Variants in PCYT1B observed in about 807,000 individuals in gnomAD.
PCYT1B encodes the protein phosphate cytidylyltransferase 1B, choline, also known as choline-phosphate cytidylyltransferase B.
A neutral mutation model predicts 26.4 loss-of-function variants in PCYT1B; 10 were observed. The ratio of observed to expected loss-of-function variants is 0.38; its 90% confidence interval spans 0.23 to 0.64. The LOEUF (loss-of-function observed/expected upper bound fraction) is 0.64, where lower values mean the gene tolerates loss of function less well. Among genes scored for constraint, PCYT1B ranks in the 30% least tolerant of loss-of-function variants. The pLI is 0.56. For synonymous variants in PCYT1B, 131 were observed against 108.4 expected, an observed-to-expected ratio of 1.21 and a Z score of -1.29; for missense variants, 161 against 292.7, an observed-to-expected ratio of 0.55 and a Z score of 3.28.
chrX:24,624,119 G>A (rs1011868289), intron 1 of PCYT1B, among the ~76,000 whole-genome samples: 14 of 109,655 alleles, frequency 1.3e-4, no homozygotes, highest in East Asian at 2.9e-4. Flanking sequence ...ACAGGAGCCC[G>A]CCACCACACC....
intron 1 of PCYT1B, among the ~76,000 whole-genome samples, chrX:24,633,209 C>CAAA (rs1173874144): frequency 3.6e-4 from 6 of 16,716 alleles, no homozygotes; most frequent in Admixed American, 1.6e-3. Flanking sequence ...GACTATGTCT[C>CAAA]AAAAAAAAAA....
chrX:24,590,776 C>T (rs1161212928), intron 3 of PCYT1B, among the ~76,000 whole-genome samples: 1 of 104,100 alleles, frequency 9.6e-6, no homozygotes, highest in African/African-American at 3.5e-5. Context: ...TAGAGTTCAT[C>T]CTTTCACATC....
intron 1 of PCYT1B, among the ~76,000 whole-genome samples, chrX:24,624,412 T>C (rs1256075497): frequency 3.6e-5 from 4 of 112,426 alleles, no homozygotes; most frequent in African/African-American, 1.3e-4. Flanking sequence ...CAAGCCTTAG[T>C]ATCCTTGTTT....
upstream of PCYT1B, among the ~76,000 whole-genome samples, chrX:24,651,515 T>C: frequency 1.7e-5 from 1 of 57,699 alleles, no homozygotes; most frequent in Non-Finnish European, 3.2e-5. Context: ...ATATATATAT[T>C]CAAAAATGAG....
intron 1 of PCYT1B, among the ~76,000 whole-genome samples, chrX:24,659,440 T>C (rs111855794): frequency 0.042 from 4,721 of 111,301 alleles, 115 homozygotes; most frequent in Non-Finnish European, 0.069. Context: ...TTCTTCTCTG[T>C]GGGCAATGTG....
intron 1 of PCYT1B, among the ~76,000 whole-genome samples, chrX:24,634,067 C>A (rs1456658671): frequency 9.1e-6 from 1 of 110,434 alleles, no homozygotes; most frequent in Non-Finnish European, 1.9e-5. Flanking sequence ...AGGCACATAC[C>A]ACCATGCTCA....
chrX:24,628,398 A>G lies in PCYT1B; in HGVS notation c.118-9314T>C, dbSNP rs187706666. 5.4e-5 allele frequency among the ~76,000 whole-genome samples: 6 copies of G among 111,842 alleles called. No individual in the cohort carries two copies. In the Admixed American group the frequency reaches 5.7e-4, roughly 11 times the overall value. ...ATTTAAAGTCACAGGAGTGAGAATG[A>G]TAATTGATAAAGACAAATACAGACT... On this transcript the variant is annotated intron_variant, in intron 1 of 7. Coordinates refer to ENST00000379144, the MANE Select transcript of PCYT1B (RefSeq NM_004845.5).
At chrX:24,576,460 C>T (rs2148225320) in intron 6 of PCYT1B, among the ~76,000 whole-genome samples, 1 of 110,973 alleles carries the variant, frequency 9.0e-6, no homozygotes, top group Non-Finnish European at 1.9e-5. Flanking sequence ...CACACCACCA[C>T]ATCCGGCTAA....
At chrX:24,600,116 G>T (rs1468392121) in intron 3 of PCYT1B, among the ~76,000 whole-genome samples, 1 of 110,822 alleles carries the variant, frequency 9.0e-6, no homozygotes, top group Non-Finnish European at 1.9e-5. Flanking sequence ...TGGCCAGGCT[G>T]GTCTGGTCTC....
chrX:24,580,272 C>G, intron 5 of PCYT1B, among the ~76,000 whole-genome samples: 1 of 112,770 alleles, frequency 8.9e-6, no homozygotes. Flanking sequence ...GCCCCTGTGT[C>G]TAGCACATGG....
At chrX:24,588,918 A>ACC (rs1325879944) in intron 4 of PCYT1B, among the ~76,000 whole-genome samples, 1 of 111,161 alleles carries the variant, frequency 9.0e-6, no homozygotes, top group African/African-American at 3.3e-5. Context: ...ATTATTATTA[A>ACC]TTCTATTCTT....
chrX:24,565,898 AAAG>A (rs1458095985), intron 7 of PCYT1B, among the ~76,000 whole-genome samples: 2 of 111,437 alleles, frequency 1.8e-5, no homozygotes, highest in African/African-American at 3.3e-5. Context: ...TATAAATCAA[AAAG>A]AAGAAGGTGA....
chrX:24,579,507 G>A (rs752499239), intron 5 of PCYT1B, 49 bp from the exon 6 acceptor site: 1 of 1,140,093 alleles, frequency 8.8e-7, no homozygotes, highest in Non-Finnish European at 1.2e-6. Flanking sequence ...GATCACCTCA[G>A]TTGACCCATC....
At chrX:24,613,441 G>C (rs1318362696) in intron 2 of PCYT1B, among the ~76,000 whole-genome samples, 4 of 111,792 alleles carry the variant, frequency 3.6e-5, no homozygotes, top group Admixed American at 9.6e-5. Flanking sequence ...ATTGATGTTT[G>C]CTTTTTAAAA....
At chrX:24,584,752 G>C (rs988380994) in intron 5 of PCYT1B, among the ~76,000 whole-genome samples, 4 of 112,020 alleles carry the variant, frequency 3.6e-5, no homozygotes, top group Non-Finnish European at 5.6e-5. Flanking sequence ...CTGAGGCCCT[G>C]TTCCCATGGA....
upstream of PCYT1B, among the ~76,000 whole-genome samples, chrX:24,651,648 C>T (rs1258502157): frequency 2.9e-5 from 3 of 102,646 alleles, no homozygotes; most frequent in African/African-American, 1.1e-4. Flanking sequence ...CTCAGCCTTC[C>T]AGGTAGCTGG....
chrX:24,572,920 A>T (rs1328129240), intron 7 of PCYT1B, among the ~76,000 whole-genome samples: 1 of 100,288 alleles, frequency 1.0e-5, no homozygotes, highest in Non-Finnish European at 2.0e-5. Context: ...TCATCAAATT[A>T]TATATATATA....
chrX:24,667,632 G>T (rs754692813), intron 1 of PCYT1B, among the ~76,000 whole-genome samples: 1 of 109,597 alleles, frequency 9.1e-6, no homozygotes, highest in African/African-American at 3.3e-5. Flanking sequence ...CAGGAGAATC[G>T]CTTGAACCCG....
chrX:24,659,581 T>C (rs1926989019), intron 1 of PCYT1B, among the ~76,000 whole-genome samples: 1 of 111,920 alleles, frequency 8.9e-6, no homozygotes, highest in South Asian at 3.8e-4. Flanking sequence ...TATGCTGCTA[T>C]AACAGACTAC....
Sources: allele counts gnomAD v4.1 joint callset (sites outside exome capture counted in the v4.1 genomes callset), GRCh38; gene constraint gnomAD v4.1.1; transcripts MANE v1.5; gene names NCBI Gene and HGNC (gene_info 2026-07-23, HGNC 2026-07-21).